The following EPSTI1 variants were observed in gnomAD, a reference collection of about 807,000 sequenced individuals.
EPSTI1 encodes epithelial stromal interaction 1.
In EPSTI1, 66 loss-of-function variants were observed where a neutral mutation model predicts 49.9. The ratio of observed to expected loss-of-function variants is 1.32; its 90% confidence interval spans 1.08 to 1.62. The LOEUF is 1.62. Among genes scored for constraint, EPSTI1 ranks in the 40% most tolerant of loss-of-function variants. EPSTI1 has a pLI of 0.00. For missense variants in EPSTI1, 394 were observed against 365.5 expected (o/e 1.08, Z -0.64); for synonymous variants, 137 against 130.7 (o/e 1.05, Z -0.33).
Position 42,935,462 on chromosome 13 carries a change from C to T in EPSTI1, c.564-9033G>A, listed in dbSNP as rs140105006. Among the ~76,000 whole-genome samples, 149 of 152,316 alleles carry T rather than the reference C, an allele frequency of 9.8e-4. No individual in the cohort carries two copies. In the Middle Eastern group the frequency reaches 0.014, roughly 14 times the overall value. The stretch of plus-strand genomic sequence containing the variant: ...ATCAAACTTGGGAAAAATAATACAT[C>T]TGGTGTTTGGGGATGGGAGGTATGA... On this transcript the variant is annotated intron_variant, in intron 6 of 10. Transcript: ENST00000313624.
chr13:42,894,861 C>T (rs575740279), intron 10 of EPSTI1, 148 bp downstream of exon 10: 13 of 622,012 alleles, frequency 2.1e-5, no homozygotes, highest in African/African-American at 1.5e-4. Context: ...TTACAGTAAT[C>T]CCCCTGGCTG....
intron 7 of EPSTI1, among the ~76,000 whole-genome samples, chr13:42,919,911 A>T (rs2037945024): frequency 6.6e-6 from 1 of 152,206 alleles, no homozygotes; most frequent in Non-Finnish European, 1.5e-5. Context: ...GGAGGCTAGA[A>T]GTCCAAAATC....
chr13:42,909,551 G>A (rs574119612), intron 8 of EPSTI1, among the ~76,000 whole-genome samples: 11 of 151,962 alleles, frequency 7.2e-5, no homozygotes, highest in Admixed American at 3.3e-4. Flanking sequence ...GTCCATCAAT[G>A]GATAAAGAAA....
intron 6 of EPSTI1, among the ~76,000 whole-genome samples, chr13:42,938,963 T>C (rs9533310): frequency 0.5 from 73,773 of 147,108 alleles, 18,665 homozygotes; most frequent in Middle Eastern, 0.54. Context: ...CCTTCATCAA[T>C]GATCTTAACT....
chr13:42,905,702 A>C (rs1207921782), intron 8 of EPSTI1, among the ~76,000 whole-genome samples: 1 of 152,234 alleles, frequency 6.6e-6, no homozygotes, highest in East Asian at 1.9e-4. Flanking sequence ...ACCTAGGTTC[A>C]TGCTAAAGGT....
intron 6 of EPSTI1, chr13:42,934,756 G>GC: frequency 5.3e-6 from 1 of 187,724 alleles, no homozygotes; most frequent in Non-Finnish European, 1.2e-5. Context: ...TGCCAGCATT[G>GC]CCCCCTCATG....
In EPSTI1 at chr13:42,940,037, T is replaced by C. The variant is rs78158264; in HGVS notation, c.564-13608A>G. Reference sequence around the variant, plus strand: ...CACAGCAACTAGAGTAGTCATTTCTTTTTGAAAAATAAAAATTTTCTACAG... The same window carrying C: ...CACAGCAACTAGAGTAGTCATTTCTCTTTGAAAAATAAAAATTTTCTACAG... On this transcript the variant is annotated intron_variant, in intron 6 of 10. Coordinates refer to ENST00000313624, the MANE Select transcript of EPSTI1 (RefSeq NM_033255.5). Among the ~76,000 whole-genome samples, 526 of 152,340 alleles carry C rather than the reference T, an allele frequency of 3.5e-3. 3 individuals carry two copies. Among genetic ancestry groups the C allele is most frequent in the African/African-American group, 0.012 (501 of 41,576 alleles).
intron 6 of EPSTI1, among the ~76,000 whole-genome samples, chr13:42,939,238 G>A (rs2038671449): frequency 6.6e-6 from 1 of 152,180 alleles, no homozygotes; most frequent in Non-Finnish European, 1.5e-5. Context: ...CTTCATATTA[G>A]CAATACAGCT....
At chr13:42,955,715 T>C (rs540616633) in intron 5 of EPSTI1, among the ~76,000 whole-genome samples, 16 of 151,926 alleles carry the variant, frequency 1.1e-4, no homozygotes, top group African/African-American at 3.1e-4. Flanking sequence ...GGTAGGAGAA[T>C]CGCTTGAACT....
chr13:42,980,247 GA>G (rs1441017786), intron 1 of EPSTI1, among the ~76,000 whole-genome samples: 3 of 152,136 alleles, frequency 2.0e-5, no homozygotes, highest in Admixed American at 6.6e-5. Flanking sequence ...CCGTCTATAT[GA>G]TGGAGTGCAA....
At chr13:42,964,227 A>T in intron 3 of EPSTI1, 88 bp from the exon 4 acceptor site, 1 of 964,208 alleles carries the variant, frequency 1.0e-6, no homozygotes, top group Middle Eastern at 2.5e-4. Context: ...TAATAAATCT[A>T]TAACATGAGT....
At chr13:42,943,165 G>A (rs1441579469) in intron 6 of EPSTI1, among the ~76,000 whole-genome samples, 1 of 152,186 alleles carries the variant, frequency 6.6e-6, no homozygotes, top group Non-Finnish European at 1.5e-5. Flanking sequence ...ACATAGAAGT[G>A]ATGAAGTTGG....
chr13:42,952,830 G>A (rs1021160889), intron 6 of EPSTI1, among the ~76,000 whole-genome samples: 2 of 152,190 alleles, frequency 1.3e-5, no homozygotes, highest in Non-Finnish European at 2.9e-5. Context: ...TTCCATTCCT[G>A]CCTCTGAATC....
intron 6 of EPSTI1, among the ~76,000 whole-genome samples, chr13:42,930,024 T>C (rs2038310597): frequency 6.6e-6 from 1 of 152,334 alleles, no homozygotes; most frequent in Admixed American, 6.5e-5. Context: ...GAGTGGGATC[T>C]GGGAATCTGC....
Position 42,925,804 on chromosome 13 carries a change from T to C in EPSTI1, c.657+532A>G, listed in dbSNP as rs544002063. Among the ~76,000 whole-genome samples the C allele has an allele frequency of 2.4e-4, 37 of 152,322 alleles. 1 individual carries two copies. The highest frequency in any genetic ancestry group is 8.7e-4 in the African/African-American group (36 of 41,558). On this transcript the variant is annotated intron_variant, in intron 7 of 10. Coordinates refer to ENST00000313624, the MANE Select transcript of EPSTI1 (RefSeq NM_033255.5). ...TTTAAGCTTCTGCTCTGGTGTCATT[T>C]CCCAAGAAGCATCTAACGCACATGG...
intron 8 of EPSTI1, among the ~76,000 whole-genome samples, chr13:42,900,765 T>C (rs1386353321): frequency 6.6e-6 from 1 of 152,162 alleles, no homozygotes; most frequent in Non-Finnish European, 1.5e-5. Flanking sequence ...GGTATTTCTC[T>C]AGCATTTCTT....
intron 1 of EPSTI1, among the ~76,000 whole-genome samples, chr13:42,986,763 A>AAAC (rs2040090112): frequency 7.0e-6 from 1 of 142,756 alleles, no homozygotes; most frequent in Non-Finnish European, 1.5e-5. Flanking sequence ...AAAAAAAAAA[A>AAAC]AAAAAAAACA....
chr13:42,911,136 T>C (rs1332612353), intron 8 of EPSTI1, among the ~76,000 whole-genome samples: 1 of 152,190 alleles, frequency 6.6e-6, no homozygotes, highest in African/African-American at 2.4e-5. Context: ...CTTTGGTAAA[T>C]TGCTATTAAG....
Position 42,963,241 on chromosome 13 carries a change from C to G in EPSTI1, c.489+14G>C, listed in dbSNP as rs755534648. Reference sequence around the variant, plus strand: ...GTTGATCAGCAAATGTGAACTAATCCTCCTCCTCCTTACCTTCTCTCTCTG... The same window carrying G: ...GTTGATCAGCAAATGTGAACTAATCGTCCTCCTCCTTACCTTCTCTCTCTG... On this transcript the variant is annotated intron_variant, in intron 5 of 10. Coordinates refer to ENST00000313624, the MANE Select transcript of EPSTI1 (RefSeq NM_033255.5). 1.3e-6 allele frequency: 2 copies of G among 1,594,204 alleles called. No individual in the cohort carries two copies. Among genetic ancestry groups the G allele is most frequent in the Admixed American group, 1.7e-5 (1 of 59,284 alleles).
Sources: gnomAD v4.1 joint callset for allele counts (sites outside exome capture counted in the v4.1 genomes callset) on GRCh38, gnomAD v4.1.1 for gene constraint, MANE v1.5 for transcripts, NCBI Gene and HGNC (gene_info 2026-07-23, HGNC 2026-07-21) for gene names.